PPP1R37: variants seen among roughly 807,000 people sequenced by gnomAD.
The protein encoded by PPP1R37 is leucine rich repeat containing 68.
PPP1R37 carries 21 observed loss-of-function variants against 61.0 expected under a neutral mutation model. That is an observed-to-expected ratio of 0.34 (90% confidence interval 0.24 to 0.50). PPP1R37 has a LOEUF of 0.50. Among genes scored for constraint, PPP1R37 ranks in the 20% least tolerant of loss-of-function variants. The probability of loss-of-function intolerance (pLI) is 0.98; values close to 1 mark genes in which losing one functional copy is unlikely to be tolerated. For missense variants in PPP1R37, 910 were observed against 952.7 expected, an observed-to-expected ratio of 0.96 and a Z score of 0.59; for synonymous variants, 443 against 433.5, an observed-to-expected ratio of 1.02 and a Z score of -0.27.
At chr19:45,129,005 TG>T in intron 1 of PPP1R37, 1 of 836,406 alleles carries the variant, frequency 1.2e-6, no homozygotes, top group Non-Finnish European at 2.0e-6. Context: ...AGGAGGCAGC[TG>T]TTGCAGTCAA....
At chr19:45,140,173 T>G (rs2122752999) in intron 2 of PPP1R37, 63 bp from the exon 3 acceptor site, 4 of 1,409,914 alleles carry the variant, frequency 2.8e-6, no homozygotes, top group Non-Finnish European at 3.9e-6. Context: ...AGCAGCCATT[T>G]GGGGCCTCGG....
intron 1 of PPP1R37, among the ~76,000 whole-genome samples, chr19:45,115,386 G>T (rs949532194): frequency 3.3e-5 from 5 of 152,120 alleles, no homozygotes. Flanking sequence ...TGTGTCCTTG[G>T]CACATGCTCC....
chr19:45,108,165 A>G lies in PPP1R37; in HGVS notation c.202+14638A>G, dbSNP rs75863363. On this transcript the variant is annotated intron_variant, in intron 1 of 12. Coordinates refer to ENST00000221462, the MANE Select transcript of PPP1R37 (RefSeq NM_019121.2). The stretch of plus-strand genomic sequence containing the variant: ...TCGTCATAGTCACCACTGTAGCTTT[A>G]GATTTTTTTCTGAGAGAGGGTCTCT... Among the ~76,000 whole-genome samples, 1,048 of 152,200 alleles carry G rather than the reference A, an allele frequency of 6.9e-3. 16 individuals are homozygous for G. Among genetic ancestry groups the G allele is most frequent in the African/African-American group, 0.024 (1,002 of 41,526 alleles).
intron 1 of PPP1R37, among the ~76,000 whole-genome samples, chr19:45,101,561 T>C (rs1406740941): frequency 6.6e-6 from 1 of 152,082 alleles, no homozygotes; most frequent in Non-Finnish European, 1.5e-5. Flanking sequence ...CTACAAAAAA[T>C]ACAAAAATCA....
intron 9 of PPP1R37, 28 bp from the exon 10 acceptor site, chr19:45,145,066 G>A (rs573014857): frequency 2.0e-6 from 3 of 1,524,922 alleles, no homozygotes; most frequent in East Asian, 2.5e-5. Context: ...TGTGGGGCCC[G>A]TGGCCAGCCC....
At chr19:45,123,305 C>T (rs1327889489) in intron 1 of PPP1R37, among the ~76,000 whole-genome samples, 1 of 152,214 alleles carries the variant, frequency 6.6e-6, no homozygotes, top group Non-Finnish European at 1.5e-5. Flanking sequence ...AGCACTGGCA[C>T]CTGTGAAGGG....
chr19:45,138,546 G>T lies in PPP1R37; in HGVS notation c.235G>T (p.Ala79Ser). 1 of 1,534,034 alleles carries T rather than the reference G, an allele frequency of 6.5e-7. No individual in the cohort carries two copies. Among genetic ancestry groups the T allele is most frequent in the Non-Finnish European group, 8.7e-7 (1 of 1,145,914 alleles). Residue 79 changes from alanine (A) to serine (S), a missense_variant, in exon 2 of 13, where the codon GCC becomes TCC. Physicochemically the swap from Ala to Ser is moderately conservative, Grantham distance 99. Around this residue, in one of 3 missense-constraint regions of PPP1R37, gnomAD observed 280 missense variants for 382.2 expected, o/e 0.73. Coordinates refer to ENST00000221462, the MANE Select transcript of PPP1R37 (RefSeq NM_019121.2). ...TGTGACCGTGGACGAGGTCATCGGC[G>T]CCTACAAGCAGGCCTGCCAGAAGCT... ...QNVTVDEVIG[A>S]YKQACQKLNC...
chr19:45,132,653 C>T (rs1000315363), intron 1 of PPP1R37, among the ~76,000 whole-genome samples: 5 of 151,906 alleles, frequency 3.3e-5, no homozygotes, highest in Non-Finnish European at 7.4e-5. Flanking sequence ...AGGCTGGTCT[C>T]GAACTCCTGG....
chr19:45,099,443 C>G (rs1968034338), intron 1 of PPP1R37, among the ~76,000 whole-genome samples: 1 of 152,246 alleles, frequency 6.6e-6, no homozygotes, highest in Admixed American at 6.5e-5. Context: ...TGACTTTGGA[C>G]AAGTTGCAGC....
rs189168010 is a variant in PPP1R37, at chr19:45,121,109, C to T, written c.203-17405C>T. Reference sequence around the variant, plus strand: ...AGTTTTGGGAGTGGGCGCAAAGTTACGGCTCCACCGGTAAAGCACAGTAGA... The same window carrying T: ...AGTTTTGGGAGTGGGCGCAAAGTTATGGCTCCACCGGTAAAGCACAGTAGA... On this transcript the variant is annotated intron_variant, in intron 1 of 12. Coordinates refer to ENST00000221462, the MANE Select transcript of PPP1R37 (RefSeq NM_019121.2). The surrounding 1 kb of genome is among the most constrained non-coding windows in gnomAD (Gnocchi z 4.2). Among the ~76,000 whole-genome samples the T allele has an allele frequency of 2.8e-4, 42 of 152,212 alleles. No individual in the cohort carries two copies. The highest frequency in any genetic ancestry group is 9.6e-4 in the East Asian group (5 of 5,186).
chr19:45,099,883 C>T (rs746845139), intron 1 of PPP1R37, among the ~76,000 whole-genome samples: 3 of 152,254 alleles, frequency 2.0e-5, no homozygotes, highest in African/African-American at 4.8e-5. Flanking sequence ...TACAGACAGG[C>T]TTTAGCACCC....
chr19:45,105,877 ATGT>A (rs1189034617), intron 1 of PPP1R37, among the ~76,000 whole-genome samples: 2 of 152,152 alleles, frequency 1.3e-5, no homozygotes, highest in Non-Finnish European at 2.9e-5. Flanking sequence ...TGTTCAGTAA[ATGT>A]TGTTCCATTA....
intron 1 of PPP1R37, among the ~76,000 whole-genome samples, chr19:45,119,642 A>T (rs1397322612): frequency 6.6e-6 from 1 of 152,070 alleles, no homozygotes; most frequent in African/African-American, 2.4e-5. Context: ...TTACCTATAC[A>T]TTGCTTGTGA....
At chr19:45,115,315 G>T (rs1968252432) in intron 1 of PPP1R37, among the ~76,000 whole-genome samples, 1 of 152,184 alleles carries the variant, frequency 6.6e-6, no homozygotes, top group African/African-American at 2.4e-5. Context: ...AAACTCTTGG[G>T]TGAGGCATGG....
chr19:45,116,829 T>C (rs1968273709), intron 1 of PPP1R37, among the ~76,000 whole-genome samples: 1 of 150,096 alleles, frequency 6.7e-6, no homozygotes, highest in Admixed American at 6.7e-5. Context: ...GGAGGCAGAG[T>C]GTTGTCTGGG....
At chr19:45,114,749 C>A (rs954126638) in intron 1 of PPP1R37, among the ~76,000 whole-genome samples, 1 of 148,318 alleles carries the variant, frequency 6.7e-6, no homozygotes, top group Admixed American at 6.8e-5. Flanking sequence ...GAGTTCAAGA[C>A]CACCCTGGGC....
chr19:45,141,704 T>A (rs551326801), intron 5 of PPP1R37, among the ~76,000 whole-genome samples: 3 of 152,176 alleles, frequency 2.0e-5, no homozygotes, highest in Non-Finnish European at 4.4e-5. Flanking sequence ...TGTAATGTCA[T>A]CCCCTTGGAG....
chr19:45,107,342 T>C (rs1195853252), intron 1 of PPP1R37, among the ~76,000 whole-genome samples: 2 of 151,828 alleles, frequency 1.3e-5, no homozygotes. Flanking sequence ...TGGCTCACAA[T>C]TGTAATCCCA....
chr19:45,126,799 C>T (rs922180755), intron 1 of PPP1R37, among the ~76,000 whole-genome samples: 2 of 152,196 alleles, frequency 1.3e-5, no homozygotes, highest in Non-Finnish European at 2.9e-5. Flanking sequence ...CATCCCTGTG[C>T]ATGTAGCAGT....
Sources: gnomAD v4.1 joint callset for allele counts (sites outside exome capture counted in the v4.1 genomes callset) on GRCh38, gnomAD v4.1.1 for gene constraint, gnomAD v4.1.1 regional missense constraint, Gnocchi (gnomAD v3.1) non-coding constraint, MANE v1.5 for transcripts, NCBI Gene and HGNC (gene_info 2026-07-23, HGNC 2026-07-21) for gene names.